The following TNRC6B variants were observed in gnomAD, a reference collection of about 807,000 sequenced individuals.
The protein encoded by TNRC6B is trinucleotide repeat containing adaptor 6B.
TNRC6B carries 52 observed loss-of-function variants against 203.6 expected under a neutral mutation model. The ratio of observed to expected loss-of-function variants is 0.26; its 90% CI spans 0.20 to 0.32. TNRC6B has a LOEUF of 0.32. Ranked by LOEUF, TNRC6B falls within the 10% of genes least tolerant of loss-of-function variation. TNRC6B has a pLI of 1.00. For synonymous variants in TNRC6B, 838 were observed against 845.7 expected, an observed-to-expected ratio of 0.99 and a Z score of 0.16; for missense variants, 1,923 against 2,286.2, an observed-to-expected ratio of 0.84 and a Z score of 3.24.
At chr22:40,156,122 A>G in exon 4 of TNRC6B, 3 of 1,579,768 alleles carry the variant, frequency 1.9e-6, no homozygotes, top group Non-Finnish European at 2.6e-6. Context: ...CAGGTGGAAC[A>G]GGAGGATTTT....
In TNRC6B at chr22:40,334,296, C is replaced by T. The variant is rs2044011145; in HGVS notation, c.*11055C>T. 1.3e-5 allele frequency: 2 copies of T among 152,630 alleles called. No homozygotes were observed. Among genetic ancestry groups the T allele is most frequent in the African/African-American group, 4.8e-5 (2 of 41,434 alleles). 9.5% of individuals were successfully genotyped at this position (152,630 alleles called of 1,614,324 possible). ...GGTGCATGCACCGTGAATGTGCTCACAGAGACACGTGCACAAGATTCTGCA... is the reference window on the plus strand; with the variant it reads ...GGTGCATGCACCGTGAATGTGCTCATAGAGACACGTGCACAAGATTCTGCA... On this transcript the variant is annotated 3_prime_UTR_variant, in exon 23 of 23. Transcript: ENST00000454349.
At chr22:40,216,737 C>T (rs958432198) in intron 1 of TNRC6B, among the ~76,000 whole-genome samples, 1 of 152,160 alleles carries the variant, frequency 6.6e-6, no homozygotes, top group Admixed American at 6.5e-5. Context: ...GGAGCCAAAC[C>T]AGGAGAAAAA....
chr22:40,177,843 C>G (rs1017090761), upstream of TNRC6B: 2 of 1,318,172 alleles, frequency 1.5e-6, no homozygotes, highest in Non-Finnish European at 1.9e-6. Context: ...AGCTCCAGCT[C>G]CCTCCCCTTT....
chr22:40,171,300 T>C (rs1021465303), intron 4 of TNRC6B, among the ~76,000 whole-genome samples: 4 of 151,768 alleles, frequency 2.6e-5, no homozygotes, highest in Non-Finnish European at 5.9e-5. Context: ...TAGCTGAGAC[T>C]GTAGGTGCAT....
chr22:40,252,901 G>C (rs2070214875), intron 3 of TNRC6B, among the ~76,000 whole-genome samples: 1 of 152,138 alleles, frequency 6.6e-6, no homozygotes. Flanking sequence ...GGGGACAGCA[G>C]ATGAGAAAAC....
chr22:40,323,199 A>C lies in TNRC6B; in HGVS notation c.5460A>C (p.Leu1820Phe). ...ATAGGATGGGCAGCCCTGCTCCTTT[A>C]CTACCTGGTGACCTTCTGGGAGGAG... ...DPHRMGSPAP[L>F]LPGDLLGGGS... is the part of the protein sequence containing the mutation. The change falls in exon 23 of 23, where the codon TTA becomes TTC. Residue 1820 changes from leucine to phenylalanine, a missense_variant. Leu to Phe is a conservative substitution (Grantham distance 22). Coordinates refer to ENST00000454349, the MANE Select transcript of TNRC6B (RefSeq NM_001162501.2). 6.2e-7 allele frequency: 1 copy of C among 1,613,442 alleles called. No individual in the cohort carries two copies. Among genetic ancestry groups the C allele is most frequent in the Non-Finnish European group, 8.5e-7 (1 of 1,179,864 alleles).
intron 3 of TNRC6B, among the ~76,000 whole-genome samples, chr22:40,138,930 A>G (rs2068622734): frequency 6.6e-6 from 1 of 152,218 alleles, no homozygotes; most frequent in Non-Finnish European, 1.5e-5. Context: ...TTTCCTTTTC[A>G]GCAGCTTTAT....
chr22:40,236,297 C>T (rs1375812630), intron 1 of TNRC6B, among the ~76,000 whole-genome samples: 3 of 152,184 alleles, frequency 2.0e-5, no homozygotes, highest in South Asian at 2.1e-4. Flanking sequence ...TATCCTCTGG[C>T]GCCCAACCAC....
At chr22:40,078,876 C>G (rs986494459) in intron 1 of TNRC6B, among the ~76,000 whole-genome samples, 1 of 151,926 alleles carries the variant, frequency 6.6e-6, no homozygotes, top group African/African-American at 2.4e-5. Flanking sequence ...GAGTTCAAGA[C>G]CAGCCTGCCC....
intron 1 of TNRC6B, among the ~76,000 whole-genome samples, chr22:40,216,518 G>A (rs1377290382): frequency 6.6e-6 from 1 of 152,068 alleles, no homozygotes; most frequent in Non-Finnish European, 1.5e-5. Context: ...TTTACCATAA[G>A]CGTGAATCCC....
rs2071412777 is a variant in TNRC6B at position 40,327,078 on chromosome 22, A to C, written c.*3837A>C. On this transcript the variant is annotated 3_prime_UTR_variant, in exon 23 of 23. Transcript: ENST00000454349. ...GGGGTCAGAATTCCCAAGCATGACC[A>C]CAGCTTCTTTTAAACATTAAGCTTC... The C allele has an allele frequency of 6.5e-6, 1 of 152,726 alleles. No individual in the cohort carries two copies. Among genetic ancestry groups the C allele is most frequent in the Non-Finnish European group, 1.5e-5 (1 of 68,046 alleles). 9.5% of individuals were successfully genotyped at this position (152,726 alleles called of 1,614,324 possible). A position where few individuals can be genotyped will look rare whatever the true frequency, so the allele number is the denominator to read the frequency against.
chr22:40,147,579 G>A (rs186591282), intron 3 of TNRC6B, among the ~76,000 whole-genome samples: 1 of 152,278 alleles, frequency 6.6e-6, no homozygotes, highest in African/African-American at 2.4e-5. Flanking sequence ...CGTGGCAAAA[G>A]GTGGAAGGGC....
chr22:40,071,815 A>G (rs1460798712), intron 1 of TNRC6B, among the ~76,000 whole-genome samples: 2 of 152,156 alleles, frequency 1.3e-5, no homozygotes, highest in African/African-American at 4.8e-5. Flanking sequence ...TTTTATTTCT[A>G]GAGCGATTTG....
intron 1 of TNRC6B, among the ~76,000 whole-genome samples, chr22:40,220,006 G>A (rs1763156563): frequency 6.6e-6 from 1 of 152,188 alleles, no homozygotes; most frequent in Admixed American, 6.5e-5. Flanking sequence ...ATTGCAGAGG[G>A]AGACCCTTTG....
intron 1 of TNRC6B, among the ~76,000 whole-genome samples, chr22:40,081,490 C>T (rs553773629): frequency 1.3e-4 from 20 of 152,196 alleles, no homozygotes; most frequent in Admixed American, 6.5e-4. Flanking sequence ...AAACGTTTTT[C>T]ATAATGCTCT....
rs1205710008 is a variant in TNRC6B, at chr22:40,117,053, A to C, written c.-120-2A>C. On this transcript the variant is annotated splice_acceptor_variant, in intron 1 of 23. Transcript: ENST00000301923. LOFTEE classifies it low-confidence loss of function (5UTR_SPLICE). ...TTCATAGTGATTTTTTTCTCTTTTC[A>C]GGGTTGTGGTTTTTTGCACTGAATG... The C allele has an allele frequency of 6.6e-6, 1 of 152,436 alleles. No individual in the cohort carries two copies. Among genetic ancestry groups the C allele is most frequent in the Non-Finnish European group, 1.5e-5 (1 of 68,010 alleles). The allele number at this position is 152,436 out of a possible 1,614,324, so 9.4% of individuals were successfully genotyped here.
chr22:40,315,654 G>C (rs1569066965), intron 20 of TNRC6B, 147 bp downstream of exon 20: 1 of 699,916 alleles, frequency 1.4e-6, no homozygotes, highest in Non-Finnish European at 2.2e-6. Context: ...GGTACCTCTT[G>C]AGTGAGTGAA....
rs1282694632 is a variant in TNRC6B, at chr22:40,132,969, A to AAATAT, written c.45+7108_45+7109insATATA. Among the ~76,000 whole-genome samples, 340 of 78,156 alleles carry AAATAT rather than the reference A, an allele frequency of 4.4e-3. 4 individuals carry two copies. The highest frequency in any genetic ancestry group is 0.011 in the African/African-American group (282 of 25,156). The allele number at this position is 78,156 out of a possible 152,430, so 51.3% of individuals were successfully genotyped here. ...AAAAAAAAAAAAAAAAAAAAAAAAAAATATATATATATATATATATATTCT... is the reference window on the plus strand; with the variant it reads ...AAAAAAAAAAAAAAAAAAAAAAAAAAAATATATATATATATATATATATATATTCT... On this transcript the variant is annotated intron_variant, in intron 3 of 23. Coordinates refer to the TNRC6B transcript ENST00000301923.
chr22:40,187,458 G>A (rs533470022), intron 1 of TNRC6B, among the ~76,000 whole-genome samples: 2 of 152,256 alleles, frequency 1.3e-5, no homozygotes, highest in South Asian at 2.1e-4. Flanking sequence ...TAAACATACC[G>A]GTTTGTGCCA....
Sources: gnomAD v4.1 joint callset for allele counts (sites outside exome capture counted in the v4.1 genomes callset) on GRCh38, gnomAD v4.1.1 for gene constraint, MANE v1.5 for transcripts, NCBI Gene and HGNC (gene_info 2026-07-23, HGNC 2026-07-21) for gene names.